The following COL22A1 variants were observed in gnomAD, a reference collection of about 807,000 sequenced individuals.
COL22A1 encodes the protein collagen alpha-1(XXII) chain.
A neutral mutation model predicts 248.9 loss-of-function variants in COL22A1; 221 were observed. That is an observed-to-expected ratio of 0.89 (90% CI 0.80 to 0.99). The LOEUF (loss-of-function observed/expected upper bound fraction) is 0.99. COL22A1 is among the 50% of genes least tolerant of loss of function. The pLI is 0.00. For missense variants in COL22A1, 2,240 were observed against 2,179.0 expected (o/e 1.03, Z -0.56); for synonymous variants, 891 against 793.4 (o/e 1.12, Z -2.07).
chr8:138,672,684 C>G (rs557721313), intron 41 of COL22A1, among the ~76,000 whole-genome samples: 2 of 152,306 alleles, frequency 1.3e-5, no homozygotes, highest in East Asian at 3.9e-4. Context: ...AGACATCAGG[C>G]AAACAGGATT....
At chr8:138,723,485 C>G (rs1025150625) in intron 25 of COL22A1, among the ~76,000 whole-genome samples, 1 of 152,208 alleles carries the variant, frequency 6.6e-6, no homozygotes, top group Non-Finnish European at 1.5e-5. Flanking sequence ...ATGAGAAATG[C>G]TCACAGTGTC....
At chr8:138,602,924 C>T (rs1388514460) in intron 59 of COL22A1, among the ~76,000 whole-genome samples, 1 of 152,240 alleles carries the variant, frequency 6.6e-6, no homozygotes, top group Non-Finnish European at 1.5e-5. Context: ...TTTCTTTCTC[C>T]CCAGATATGA....
intron 30 of COL22A1, among the ~76,000 whole-genome samples, chr8:138,714,111 A>G (rs1829245217): frequency 6.6e-6 from 1 of 152,060 alleles, no homozygotes. Flanking sequence ...TCCTCCTTGA[A>G]CCTGCCCGCA....
chr8:138,769,185 C>T (rs892512146), intron 16 of COL22A1, among the ~76,000 whole-genome samples: 2 of 152,072 alleles, frequency 1.3e-5, no homozygotes, highest in African/African-American at 4.8e-5. Flanking sequence ...TGTCTTCTAC[C>T]CCCTGCAGGG....
intron 18 of COL22A1, among the ~76,000 whole-genome samples, chr8:138,759,649 G>A (rs1961992024): frequency 6.6e-6 from 1 of 152,132 alleles, no homozygotes; most frequent in African/African-American, 2.4e-5. Flanking sequence ...ATTTTGCAAA[G>A]AATGTCTACC....
chr8:138,808,180 TAC>T (rs1336084039), intron 9 of COL22A1, among the ~76,000 whole-genome samples: 1 of 152,124 alleles, frequency 6.6e-6, no homozygotes, highest in Non-Finnish European at 1.5e-5. Context: ...GCGGGAGGAA[TAC>T]ACACACGTTG....
At chr8:138,852,145 T>C (rs1821692228) in intron 3 of COL22A1, among the ~76,000 whole-genome samples, 1 of 151,508 alleles carries the variant, frequency 6.6e-6, no homozygotes, top group East Asian at 1.9e-4. Context: ...GGAAGAGCAA[T>C]GGTGAGATGA....
At chr8:138,901,304 C>T (rs902651265) in intron 1 of COL22A1, among the ~76,000 whole-genome samples, 11 of 151,248 alleles carry the variant, frequency 7.3e-5, no homozygotes, top group Non-Finnish European at 1.6e-4. Flanking sequence ...TGAATCCCTG[C>T]CACCAACAGC....
At chr8:138,690,065 A>G (rs1441461555) in intron 36 of COL22A1, among the ~76,000 whole-genome samples, 2 of 152,248 alleles carry the variant, frequency 1.3e-5, no homozygotes, top group Non-Finnish European at 2.9e-5. Flanking sequence ...TGCTGTGCAG[A>G]GTAAATGAAT....
At chr8:138,679,580 T>C in intron 40 of COL22A1, 37 bp downstream of exon 40, 1 of 1,587,504 alleles carries the variant, frequency 6.3e-7, no homozygotes, top group Non-Finnish European at 8.7e-7. Context: ...CTTGTCCTTC[T>C]GTCTTTTTGC....
At chr8:138,614,108 T>C (rs1188627846) in intron 55 of COL22A1, among the ~76,000 whole-genome samples, 188 bp from the exon 56 acceptor site, 2 of 152,242 alleles carry the variant, frequency 1.3e-5, no homozygotes, top group Non-Finnish European at 2.9e-5. Flanking sequence ...GGTGAGTAAA[T>C]GCACGCAGGC....
rs1234470450 is a variant in COL22A1, at chr8:138,913,872, A to T, written c.-326T>A. On this transcript the variant is annotated 5_prime_UTR_variant, in exon 1 of 65. Transcript: ENST00000303045. ...CTTGAAAACAAGTAACTAAATACAT[A>T]CAGTTAGAAGGAAAGGCTTGAAAGT... 6.6e-6 allele frequency: 1 copy of T among 152,394 alleles called. No homozygotes were observed. 9.4% of individuals were successfully genotyped at this position (152,394 alleles called of 1,614,324 possible).
At chr8:138,776,098 G>T in intron 15 of COL22A1, 88 bp from the exon 16 acceptor site, 1 of 1,296,604 alleles carries the variant, frequency 7.7e-7, no homozygotes, top group Non-Finnish European at 1.1e-6. Flanking sequence ...AAACTGCCTG[G>T]CAGCTTCCAG....
intron 4 of COL22A1, among the ~76,000 whole-genome samples, chr8:138,840,832 G>A (rs1820828479): frequency 6.6e-6 from 1 of 152,082 alleles, no homozygotes; most frequent in Non-Finnish European, 1.5e-5. Context: ...GGCTGGTCTT[G>A]AACTCCTGAG....
In COL22A1 at chr8:138,751,439, G is replaced by C. The variant is rs772539282; in HGVS notation, c.2085+19C>G. ...TGTGGGTGAGCTGAGGAATCACAAA[G>C]AAAAGAGAGTTTACTTACTCGGAGA... On this transcript the variant is annotated intron_variant, in intron 22 of 64. Coordinates refer to ENST00000303045, the MANE Select transcript of COL22A1 (RefSeq NM_152888.3). 1.3e-6 allele frequency: 2 copies of C among 1,597,264 alleles called. No individual in the cohort carries two copies. The highest frequency in any genetic ancestry group is 1.7e-6 in the Non-Finnish European group (2 of 1,168,288).
At chr8:138,662,267 T>A (rs1824032134) in intron 42 of COL22A1, among the ~76,000 whole-genome samples, 184 bp from the exon 43 acceptor site, 1 of 152,232 alleles carries the variant, frequency 6.6e-6, no homozygotes, top group Non-Finnish European at 1.5e-5. Context: ...TATGGAGGTA[T>A]GTGCTCGACA....
At chr8:138,885,152 CTAGGAAT>C (rs916462401) in intron 1 of COL22A1, among the ~76,000 whole-genome samples, 1 of 152,160 alleles carries the variant, frequency 6.6e-6, no homozygotes, top group Non-Finnish European at 1.5e-5. Flanking sequence ...CCCTCCAGTC[CTAGGAAT>C]TATTTGTGGC....
chr8:138,778,700 A>T (rs995703189), intron 14 of COL22A1, among the ~76,000 whole-genome samples: 2 of 152,270 alleles, frequency 1.3e-5, no homozygotes, highest in African/African-American at 2.4e-5. Context: ...CCAGGAGGCC[A>T]GATGCTACTA....
At chr8:138,671,473 TGTGA>T (rs1336985059) in intron 41 of COL22A1, among the ~76,000 whole-genome samples, 2 of 152,254 alleles carry the variant, frequency 1.3e-5, no homozygotes, top group African/African-American at 2.4e-5. Flanking sequence ...GCTCAAGTGT[TGTGA>T]GTATCTGCTT....
Sources: gnomAD v4.1 joint callset for allele counts (sites outside exome capture counted in the v4.1 genomes callset) on GRCh38, gnomAD v4.1.1 for gene constraint, MANE v1.5 for transcripts, NCBI Gene and HGNC (gene_info 2026-07-23, HGNC 2026-07-21) for gene names.